RGPD2: variants seen among roughly 807,000 people sequenced by gnomAD.
RGPD2 encodes RANBP2 like and GRIP domain containing 2, also known as RANBP2-like and GRIP domain-containing protein 2.
Under a neutral mutation model 36.0 loss-of-function variants are expected in RGPD2, and 2 were observed. That is an observed-to-expected ratio of 0.06 (90% CI 0.02 to 0.17). The LOEUF (loss-of-function observed/expected upper bound fraction) is 0.17. Among genes scored for constraint, RGPD2 ranks in the 10% least tolerant of loss-of-function variants. RGPD2 has a pLI of 1.00. For synonymous variants in RGPD2, 19 were observed against 163.8 expected, an observed-to-expected ratio of 0.12 and a Z score of 6.75; for missense variants, 40 against 464.3, an observed-to-expected ratio of 0.09 and a Z score of 8.40.
chr2:87,809,793 C>G (rs1686102124), intron 6 of RGPD2, among the ~76,000 whole-genome samples: 3 of 150,722 alleles, frequency 2.0e-5, no homozygotes, highest in Non-Finnish European at 4.4e-5. Context: ...TGACTCCATC[C>G]CCATGGTCAT....
chr2:87,988,697 C>T, the RGPD2 span, among the ~76,000 whole-genome samples: 1 of 151,466 alleles, frequency 6.6e-6, no homozygotes, highest in Non-Finnish European at 1.5e-5. Flanking sequence ...TGCACCACCA[C>T]ACCCCGCTGA....
At chr2:87,847,707 C>A in the RGPD2 span, among the ~76,000 whole-genome samples, 1 of 149,900 alleles carries the variant, frequency 6.7e-6, no homozygotes, top group African/African-American at 2.5e-5. Context: ...CCCTGTTGGC[C>A]AGGATGGTCT....
chr2:87,852,895 C>G, the RGPD2 span, among the ~76,000 whole-genome samples: 2 of 152,216 alleles, frequency 1.3e-5, no homozygotes, highest in African/African-American at 2.4e-5. Flanking sequence ...TTACGTATTA[C>G]AAATTTTTTA....
chr2:87,952,719 A>G, the RGPD2 span, among the ~76,000 whole-genome samples: 1 of 152,202 alleles, frequency 6.6e-6, no homozygotes, highest in South Asian at 2.1e-4. Flanking sequence ...AAACTTGTCA[A>G]TACTCATCTA....
the RGPD2 span, among the ~76,000 whole-genome samples, chr2:87,848,928 A>T: frequency 1.3e-5 from 2 of 150,550 alleles, no homozygotes; most frequent in African/African-American, 4.9e-5. Context: ...TTTGGTATCA[A>T]TGCTAGTCCT....
chr2:87,848,825 T>C, the RGPD2 span, among the ~76,000 whole-genome samples: 3 of 149,478 alleles, frequency 2.0e-5, no homozygotes, highest in Admixed American at 6.7e-5. Context: ...TTAGAGGTTT[T>C]GGTTTAAAAA....
chr2:87,877,398 T>G, the RGPD2 span, among the ~76,000 whole-genome samples: 5 of 152,304 alleles, frequency 3.3e-5, no homozygotes, highest in Non-Finnish European at 5.9e-5. Context: ...GCAGGCCTTG[T>G]GGTAATGAAT....
chr2:87,956,415 ACGTGTGTGTGCACGCACGTG>A, the RGPD2 span, among the ~76,000 whole-genome samples: 2 of 151,144 alleles, frequency 1.3e-5, no homozygotes, highest in South Asian at 4.2e-4. Context: ...TTATATATGT[ACGTGTGTGTGCACGCACGTG>A]CGTGTGTGTC....
At chr2:87,952,383 G>A in the RGPD2 span, among the ~76,000 whole-genome samples, 239 of 152,138 alleles carry the variant, frequency 1.6e-3, no homozygotes, top group Non-Finnish European at 2.4e-3. Context: ...TTATCATGTG[G>A]TTTACAATGA....
the RGPD2 span, among the ~76,000 whole-genome samples, chr2:87,973,624 C>G: frequency 7.3e-6 from 1 of 136,780 alleles, no homozygotes; most frequent in Non-Finnish European, 1.6e-5. Flanking sequence ...TATTGGGGGA[C>G]TGTGCTAGCT....
the RGPD2 span, among the ~76,000 whole-genome samples, chr2:87,911,500 A>G: frequency 5.9e-5 from 9 of 152,036 alleles, no homozygotes; most frequent in Non-Finnish European, 1.0e-4. Context: ...AAATTAAATC[A>G]AGATGGAATG....
chr2:87,912,365 A>T, the RGPD2 span, among the ~76,000 whole-genome samples: 2 of 151,320 alleles, frequency 1.3e-5, no homozygotes, highest in Non-Finnish European at 2.9e-5. Flanking sequence ...AACAATGCAC[A>T]CTGGGGTCTG....
At chr2:87,791,791 T>A (rs1477232562) in intron 17 of RGPD2, among the ~76,000 whole-genome samples, 199 bp downstream of exon 17, 1 of 28,654 alleles carries the variant, frequency 3.5e-5, no homozygotes, top group Non-Finnish European at 4.8e-5. Flanking sequence ...CACAGTAAGC[T>A]GTGATCATAC....
At chr2:87,842,428 A>C in the RGPD2 span, among the ~76,000 whole-genome samples, 1 of 150,124 alleles carries the variant, frequency 6.7e-6, no homozygotes, top group African/African-American at 2.5e-5. Flanking sequence ...AGATAAACAG[A>C]GAGCCAAATC....
At chr2:87,983,503 C>T in the RGPD2 span, among the ~76,000 whole-genome samples, 2 of 121,784 alleles carry the variant, frequency 1.6e-5, no homozygotes, top group Non-Finnish European at 3.4e-5. Flanking sequence ...CTATGCCAGG[C>T]AATACCACAG....
rs749878213 is a variant in RGPD2, at chr2:87,795,860, TA to T, written c.1274-13del. The T allele has an allele frequency of 4.9e-6, 4 of 824,736 alleles. 2 individuals carry two copies. Among genetic ancestry groups the T allele is most frequent in the Non-Finnish European group, 6.1e-6 (4 of 653,494 alleles). 51.1% of individuals were successfully genotyped at this position (824,736 alleles called of 1,614,324 possible). A position where few individuals can be genotyped will look rare whatever the true frequency, so the allele number is the denominator to read the frequency against. ...TGCTTGAATAGCACCTGAAATAAAA[TA>T]AAAAAATTGGCTTAAGGGTTCGAAA... On this transcript the variant is annotated splice_polypyrimidine_tract_variant and intron_variant, in intron 9 of 22. Coordinates refer to ENST00000398146, the MANE Select transcript of RGPD2 (RefSeq NM_001078170.3).
the RGPD2 span, among the ~76,000 whole-genome samples, chr2:87,842,048 TG>T: frequency 6.6e-6 from 1 of 151,244 alleles, no homozygotes; most frequent in African/African-American, 2.4e-5. Context: ...TAGGTATTGA[TG>T]GGATGTATCT....
At chr2:87,897,391 A>C in the RGPD2 span, among the ~76,000 whole-genome samples, 1 of 147,974 alleles carries the variant, frequency 6.8e-6, no homozygotes, top group Non-Finnish European at 1.5e-5. Context: ...TCATTTTGCC[A>C]AACAACTGTT....
At chr2:87,915,366 T>TA in the RGPD2 span, among the ~76,000 whole-genome samples, 2 of 130,958 alleles carry the variant, frequency 1.5e-5, no homozygotes, top group African/African-American at 2.8e-5. Flanking sequence ...ATTATATATA[T>TA]ATGTATATTA....
Sources: allele counts gnomAD v4.1 joint callset (sites outside exome capture counted in the v4.1 genomes callset), GRCh38; gene constraint gnomAD v4.1.1; transcripts MANE v1.5; gene names NCBI Gene and HGNC (gene_info 2026-07-23, HGNC 2026-07-21).